PIK3C3: variants seen among roughly 807,000 people sequenced by gnomAD.
PIK3C3 encodes the protein PI3-kinase type 3.
Under a neutral mutation model 126.1 loss-of-function variants are expected in PIK3C3, and 95 were observed. The ratio of observed to expected loss-of-function variants is 0.75; its 90% confidence interval spans 0.64 to 0.89. The LOEUF is 0.89. PIK3C3 is among the 40% of genes least tolerant of loss of function. The pLI, the probability that PIK3C3 is intolerant of heterozygous loss-of-function variation, is 0.00. For missense variants in PIK3C3, 829 were observed against 1,063.2 expected (o/e 0.78, Z 3.06); for synonymous variants, 374 against 360.0 (o/e 1.04, Z -0.44).
chr18:42,009,636 TA>T (rs1982712155), intron 10 of PIK3C3, among the ~76,000 whole-genome samples: 1 of 148,454 alleles, frequency 6.7e-6, no homozygotes, highest in Non-Finnish European at 1.5e-5. Flanking sequence ...TAATGTACAT[TA>T]TGTAATGCTT....
At chr18:42,051,128 C>T (rs1483057749) in intron 21 of PIK3C3, 1 of 152,220 alleles carries the variant, frequency 6.6e-6, no homozygotes, top group African/African-American at 2.4e-5. Flanking sequence ...GACAGAAATC[C>T]TTGCTCTCCT....
intron 10 of PIK3C3, among the ~76,000 whole-genome samples, chr18:42,009,342 CTTTG>C (rs976448587): frequency 2.0e-5 from 3 of 152,106 alleles, no homozygotes; most frequent in South Asian, 2.1e-4. Flanking sequence ...ATGTATTACT[CTTTG>C]TTAGTGTTTG....
chr18:42,069,746 G>T (rs914306941), intron 24 of PIK3C3, among the ~76,000 whole-genome samples: 6 of 152,034 alleles, frequency 3.9e-5, no homozygotes, highest in African/African-American at 1.2e-4. Flanking sequence ...TTCCATACTT[G>T]TAGATTCTGG....
At chr18:41,996,508 T>G (rs576181282) in intron 8 of PIK3C3, 130 bp from the exon 9 acceptor site, 2 of 460,992 alleles carry the variant, frequency 4.3e-6, no homozygotes, top group African/African-American at 4.1e-5. Flanking sequence ...TGACTGAGTT[T>G]ACATTTTCCT....
chr18:42,037,594 G>C (rs1984112608), intron 16 of PIK3C3, 98 bp from the exon 17 acceptor site: 1 of 1,082,264 alleles, frequency 9.2e-7, no homozygotes, highest in African/African-American at 1.6e-5. Flanking sequence ...CTATTTACCT[G>C]TGTATTTATC....
intron 9 of PIK3C3, among the ~76,000 whole-genome samples, chr18:42,000,825 C>A (rs1307704054): frequency 6.6e-6 from 1 of 152,104 alleles, no homozygotes; most frequent in Non-Finnish European, 1.5e-5. Context: ...ATGAGAACAG[C>A]ATGAGAAAGA....
chr18:41,956,257 C>A (rs1174425643), intron 1 of PIK3C3, among the ~76,000 whole-genome samples: 1 of 152,170 alleles, frequency 6.6e-6, no homozygotes, highest in Non-Finnish European at 1.5e-5. Flanking sequence ...TTTGAATGAT[C>A]ATTTCATTTT....
rs1168774143 is a variant in PIK3C3, at chr18:42,064,821, T to A, written c.2514T>A (p.Thr838=). 6.4e-7 allele frequency: 1 copy of A among 1,565,740 alleles called. No homozygotes were observed. Among genetic ancestry groups the A allele is most frequent in the Non-Finnish European group, 8.8e-7 (1 of 1,137,044 alleles). The change falls in exon 23 of 25, where the codon ACT becomes ACA. Residue 838 remains threonine (T), a synonymous_variant. Coordinates refer to ENST00000262039, the MANE Select transcript of PIK3C3 (RefSeq NM_002647.4). Reference sequence around the variant, plus strand: ...ATATTGCACTTGAACCAGATAAAACTGTGAAAAAGGTAATTTTTAAGTAAC... The same window carrying A: ...ATATTGCACTTGAACCAGATAAAACAGTGAAAAAGGTAATTTTTAAGTAAC... ...IPDIALEPDK[T]VKKVQDKFRL... is the part of the protein sequence containing the mutation.
chr18:42,059,181 T>C (rs1298709340), intron 22 of PIK3C3, among the ~76,000 whole-genome samples: 2 of 152,366 alleles, frequency 1.3e-5, no homozygotes, highest in Admixed American at 1.3e-4. Context: ...GTTTCATTTA[T>C]GCACTGACTA....
chr18:41,984,373 G>C (rs369282289), intron 4 of PIK3C3, among the ~76,000 whole-genome samples: 5 of 152,066 alleles, frequency 3.3e-5, no homozygotes, highest in African/African-American at 1.2e-4. Flanking sequence ...GCACCCATAA[G>C]AGATGAAGTG....
In PIK3C3 at chr18:42,038,852, T is replaced by C; in HGVS notation, c.2038+2T>C. ...TGTTAGCCACCAGTACAAAACATGG[T>C]AAGTGTATTTTACATCATTATTATT... On this transcript the variant is annotated splice_donor_variant, in intron 18 of 24. Transcript: ENST00000262039. LOFTEE classifies it high-confidence loss of function. 1.9e-6 allele frequency: 3 copies of C among 1,559,998 alleles called. No individual in the cohort carries two copies. Among genetic ancestry groups the C allele is most frequent in the Non-Finnish European group, 2.6e-6 (3 of 1,135,026 alleles).
At position 42,049,476 on chromosome 18, in the gene PIK3C3, A is replaced by C. The variant is rs1314124916; in HGVS notation, c.2189-55A>C. The stretch of plus-strand genomic sequence containing the variant: ...ACAAACTGCTTTTATATTCAGTAGA[A>C]TGTATAACCTGGTTTGCATTTGTTT... On this transcript the variant is annotated intron_variant, in intron 20 of 24. Transcript: ENST00000262039. 1.1e-5 allele frequency: 14 copies of C among 1,307,040 alleles called. 1 individual carries two copies. In the Admixed American group the frequency reaches 2.4e-4, roughly 23 times the overall value. 81.0% of individuals were successfully genotyped at this position (1,307,040 alleles called of 1,614,324 possible). A position where few individuals can be genotyped will look rare whatever the true frequency, so the allele number is the denominator to read the frequency against.
intron 9 of PIK3C3, among the ~76,000 whole-genome samples, chr18:42,003,045 C>T (rs999188084): frequency 1.3e-5 from 2 of 152,164 alleles, no homozygotes; most frequent in Admixed American, 6.5e-5. Context: ...CTAGCTCATG[C>T]ACCATCTTGA....
rs369495196 is a variant in PIK3C3 at position 42,053,526 on chromosome 18, T to G, written c.2263+3921T>G. 2.2e-3 allele frequency among the ~76,000 whole-genome samples: 336 copies of G among 152,302 alleles called. 1 individual carries two copies. The highest frequency in any genetic ancestry group is 7.5e-3 in the African/African-American group (311 of 41,572). ...AGTGCATTACTATTGAATTCTTTTT[T>G]CATTATTACTATAGAATTCTTTGGA... On this transcript the variant is annotated intron_variant, in intron 21 of 24. Coordinates refer to ENST00000262039, the MANE Select transcript of PIK3C3 (RefSeq NM_002647.4).
intron 19 of PIK3C3, 42 bp from the exon 20 acceptor site, chr18:42,043,691 G>GTT (rs1567997669): frequency 7.6e-6 from 10 of 1,322,204 alleles, no homozygotes; most frequent in Non-Finnish European, 1.1e-5. Flanking sequence ...TAGTTTGTTT[G>GTT]TTTGTACTTA....
chr18:41,969,613 T>C (rs1980552467), intron 3 of PIK3C3, among the ~76,000 whole-genome samples: 1 of 152,232 alleles, frequency 6.6e-6, no homozygotes, highest in South Asian at 2.1e-4. Flanking sequence ...TCTACTATTG[T>C]ATTCACTTTT....
chr18:42,013,464 A>G lies in PIK3C3; in HGVS notation c.1193A>G (p.Gln398Arg). 2 of 1,572,840 alleles carry G rather than the reference A, an allele frequency of 1.3e-6. No individual in the cohort carries two copies. The highest frequency in any genetic ancestry group is 1.7e-6 in the Non-Finnish European group (2 of 1,162,986). ...DDEDLLMYLLQLVQALKYENF... is the reference protein window; with the variant it reads ...DDEDLLMYLLRLVQALKYENF... ...CAGGATTTGTTGATGTACCTATTAC[A>G]ATTGGTCCAGGCTCTCAAATATGAA... Residue 398 changes from glutamine to arginine, a missense_variant, in exon 11 of 25, where the codon CAA becomes CGA. By Grantham distance (43) the Gln-to-Arg change is conservative. This residue lies in a region of PIK3C3 where 256 missense variants were observed against 291.0 expected (regional missense o/e 0.88). Transcript: ENST00000262039.
chr18:41,958,343 G>A (rs1187564838), intron 2 of PIK3C3, among the ~76,000 whole-genome samples: 1 of 152,122 alleles, frequency 6.6e-6, no homozygotes, highest in Non-Finnish European at 1.5e-5. Flanking sequence ...CTTCTTATTT[G>A]ATAGACTATG....
intron 10 of PIK3C3, among the ~76,000 whole-genome samples, chr18:42,009,705 CTTACATTATGTAATGT>C (rs1354145945): frequency 6.9e-6 from 1 of 144,304 alleles, no homozygotes; most frequent in East Asian, 2.1e-4. Context: ...TTATGTAATG[CTTACATTATGTAATGT>C]ACATTATGTA....
Sources: allele counts gnomAD v4.1 joint callset (sites outside exome capture counted in the v4.1 genomes callset), GRCh38; gene constraint gnomAD v4.1.1; regional missense constraint gnomAD v4.1.1; transcripts MANE v1.5; gene names NCBI Gene and HGNC (gene_info 2026-07-23, HGNC 2026-07-21).